The following CSMD1 variants were observed in gnomAD, a reference collection of about 807,000 sequenced individuals.
CSMD1 encodes the protein CUB and Sushi multiple domains 1.
CSMD1 carries 213 observed loss-of-function variants against 417.5 expected under a neutral mutation model. The observed-to-expected ratio is 0.51, with a 90% CI of 0.46 to 0.57. The LOEUF (loss-of-function observed/expected upper bound fraction) is 0.57. CSMD1 is among the 20% of genes least tolerant of loss of function. The probability of loss-of-function intolerance (pLI) is 0.00; values close to 1 mark genes in which losing one functional copy is unlikely to be tolerated. For missense variants in CSMD1, 6,923 were observed against 4,529.7 expected (o/e 1.53, Z -15.17); for synonymous variants, 2,862 against 1,736.8 (o/e 1.65, Z -16.11).
intron 30 of CSMD1, among the ~76,000 whole-genome samples, chr8:3,208,757 C>T (rs1372223210): frequency 6.6e-6 from 1 of 152,062 alleles, no homozygotes; most frequent in Non-Finnish European, 1.5e-5. Context: ...AGAATATAAG[C>T]AGGCAGAAAA....
chr8:3,404,202 C>T (rs1812211761), intron 15 of CSMD1, among the ~76,000 whole-genome samples: 1 of 152,012 alleles, frequency 6.6e-6, no homozygotes, highest in African/African-American at 2.4e-5. Context: ...GGCGTGGTGG[C>T]AGGTGTCTGT....
At chr8:4,594,133 G>C (rs1412763763) in intron 2 of CSMD1, among the ~76,000 whole-genome samples, 2 of 149,618 alleles carry the variant, frequency 1.3e-5, no homozygotes, top group East Asian at 2.0e-4. Flanking sequence ...AAGGACACTG[G>C]TCATGTTGAA....
At chr8:3,450,172 T>A (rs568290544) in intron 12 of CSMD1, among the ~76,000 whole-genome samples, 8 of 152,194 alleles carry the variant, frequency 5.3e-5, no homozygotes. Flanking sequence ...TCTCTTACAC[T>A]CAGGCGGCCT....
chr8:3,958,320 CTTTT>C (rs74275212), intron 5 of CSMD1, among the ~76,000 whole-genome samples: 2 of 14,718 alleles, frequency 1.4e-4, no homozygotes, highest in African/African-American at 2.3e-4. Flanking sequence ...TAAACTCTCT[CTTTT>C]TTTTTTTTTT....
chr8:3,697,683 G>A (rs932151474), intron 7 of CSMD1, among the ~76,000 whole-genome samples: 1 of 152,050 alleles, frequency 6.6e-6, no homozygotes, highest in Non-Finnish European at 1.5e-5. Flanking sequence ...GAGGTTCAGA[G>A]ATTGCCTCAT....
At chr8:4,186,320 A>T in intron 3 of CSMD1, among the ~76,000 whole-genome samples, 1 of 152,114 alleles carries the variant, frequency 6.6e-6, no homozygotes, top group Non-Finnish European at 1.5e-5. Context: ...TCAGCTTTCC[A>T]ACTGGGACTC....
chr8:3,586,874 A>T (rs1249536292), intron 8 of CSMD1, among the ~76,000 whole-genome samples: 1 of 152,186 alleles, frequency 6.6e-6, no homozygotes, highest in Admixed American at 6.5e-5. Context: ...ACCTTGGCTC[A>T]CTGCAACCTC....
intron 2 of CSMD1, among the ~76,000 whole-genome samples, chr8:4,581,287 C>A (rs772422990): frequency 1.3e-5 from 2 of 152,012 alleles, no homozygotes; most frequent in Admixed American, 6.6e-5. Context: ...GAAAAAAGAA[C>A]AAGACACATG....
chr8:4,733,759 G>T (rs1252557777), intron 1 of CSMD1, among the ~76,000 whole-genome samples: 1 of 152,096 alleles, frequency 6.6e-6, no homozygotes, highest in Non-Finnish European at 1.5e-5. Flanking sequence ...GGTAAACAAA[G>T]AAACAAACTT....
At chr8:3,600,178 C>A (rs922768895) in intron 8 of CSMD1, among the ~76,000 whole-genome samples, 7 of 152,202 alleles carry the variant, frequency 4.6e-5, no homozygotes, top group African/African-American at 1.7e-4. Flanking sequence ...AACTGACAAA[C>A]CATTGCTTCC....
At chr8:4,820,050 A>G (rs1799433327) in intron 1 of CSMD1, among the ~76,000 whole-genome samples, 1 of 152,186 alleles carries the variant, frequency 6.6e-6, no homozygotes, top group Admixed American at 6.5e-5. Context: ...TTCCTGAACC[A>G]CAGCAGTCTA....
intron 52 of CSMD1, among the ~76,000 whole-genome samples, chr8:3,008,717 T>C (rs1157655799): frequency 6.6e-6 from 1 of 152,126 alleles, no homozygotes; most frequent in Non-Finnish European, 1.5e-5. Context: ...GGATTTGGCT[T>C]TGTTTAGCTA....
rs988685899 is a variant in CSMD1, at chr8:4,591,983, G to A, written c.302+45359C>T. Among the ~76,000 whole-genome samples, 63 of 152,102 alleles carry A rather than the reference G, an allele frequency of 4.1e-4. 1 individual carries two copies. Among genetic ancestry groups the A allele is most frequent in the Non-Finnish European group, 4.4e-5 (3 of 68,022 alleles). On this transcript the variant is annotated intron_variant, in intron 2 of 69. Coordinates refer to ENST00000635120, the MANE Select transcript of CSMD1 (RefSeq NM_033225.6). ...TAGATAGATGGAGATATTGGCAAAG[G>A]CAAAACAGGCTGCAGGTCATGCAAT... is the stretch of plus-strand genomic sequence containing the variant.
At chr8:3,057,567 T>C (rs17079204) in intron 49 of CSMD1, among the ~76,000 whole-genome samples, 101,318 of 151,588 alleles carry the variant, frequency 0.67, 34,094 homozygotes, top group Non-Finnish European at 0.7. Context: ...TTTATAGTTA[T>C]AGTGTTTTCA....
intron 2 of CSMD1, among the ~76,000 whole-genome samples, chr8:4,560,792 G>C (rs144034978): frequency 6.6e-6 from 1 of 152,320 alleles, no homozygotes; most frequent in Non-Finnish European, 1.5e-5. Context: ...GTAGCCTGAA[G>C]ACTTCCTAAT....
intron 58 of CSMD1, 83 bp downstream of exon 58, chr8:2,966,487 A>G: frequency 1.6e-6 from 2 of 1,267,698 alleles, no homozygotes; most frequent in Non-Finnish European, 2.2e-6. Flanking sequence ...AAAAAACAGT[A>G]TAACACCTTA....
intron 6 of CSMD1, among the ~76,000 whole-genome samples, chr8:3,738,230 A>T (rs1245226140): frequency 6.6e-6 from 1 of 152,220 alleles, no homozygotes; most frequent in Non-Finnish European, 1.5e-5. Flanking sequence ...ATTTTATGCT[A>T]CTTAAAAAGC....
intron 52 of CSMD1, among the ~76,000 whole-genome samples, chr8:3,011,042 T>C (rs1322465037): frequency 2.0e-5 from 3 of 152,204 alleles, no homozygotes; most frequent in Non-Finnish European, 2.9e-5. Context: ...CAACTTTTTA[T>C]TAAAGCTACT....
At chr8:4,984,376 T>C (rs1297420930) in intron 1 of CSMD1, among the ~76,000 whole-genome samples, 1 of 152,242 alleles carries the variant, frequency 6.6e-6, no homozygotes, top group Non-Finnish European at 1.5e-5. Context: ...ACTAGTCCCA[T>C]GACAGTAGTG....
Sources: gnomAD v4.1 joint callset for allele counts (sites outside exome capture counted in the v4.1 genomes callset) on GRCh38, gnomAD v4.1.1 for gene constraint, MANE v1.5 for transcripts, NCBI Gene and HGNC (gene_info 2026-07-23, HGNC 2026-07-21) for gene names.